Variants in ITGA1 observed in about 807,000 individuals in gnomAD.
ITGA1 encodes the protein integrin subunit alpha 1.
A neutral mutation model predicts 145.9 loss-of-function variants in ITGA1; 85 were observed. That is an observed-to-expected ratio of 0.58 (90% CI 0.49 to 0.70). ITGA1 has a LOEUF of 0.70. Ranked by LOEUF, ITGA1 falls within the 30% of genes least tolerant of loss-of-function variation. ITGA1 has a pLI of 0.00. For missense variants in ITGA1, 1,351 were observed against 1,418.7 expected (o/e 0.95, Z 0.77); for synonymous variants, 520 against 495.3 (o/e 1.05, Z -0.66).
At chr5:52,927,718 G>A (rs1381267552) in intron 20 of ITGA1, 54 bp downstream of exon 20, 9 of 1,125,964 alleles carry the variant, frequency 8.0e-6, no homozygotes, top group East Asian at 2.4e-5. Flanking sequence ...AGTAATATGT[G>A]CAAAGACAAA....
chr5:52,798,876 GTAGCTTT>G (rs1748398388), intron 1 of ITGA1, among the ~76,000 whole-genome samples: 1 of 152,184 alleles, frequency 6.6e-6, no homozygotes. Flanking sequence ...AGCGAGGTGT[GTAGCTTT>G]TCATCTGGTA....
intron 1 of ITGA1, among the ~76,000 whole-genome samples, chr5:52,795,630 C>T (rs760942747): frequency 2.0e-5 from 3 of 152,034 alleles, no homozygotes; most frequent in Non-Finnish European, 4.4e-5. Flanking sequence ...CATCAGTCAA[C>T]TCTACCAAAC....
intron 8 of ITGA1, among the ~76,000 whole-genome samples, chr5:52,892,329 A>G (rs1282950278): frequency 6.6e-6 from 1 of 152,140 alleles, no homozygotes; most frequent in African/African-American, 2.4e-5. Flanking sequence ...AACAAAAAAA[A>G]CTGACAATAA....
At chr5:52,798,630 T>C (rs969540909) in intron 1 of ITGA1, among the ~76,000 whole-genome samples, 2 of 152,014 alleles carry the variant, frequency 1.3e-5, no homozygotes, top group African/African-American at 2.4e-5. Context: ...AGGGGGAAAA[T>C]AGTCATTCAT....
chr5:52,793,488 A>G (rs1748281508), intron 1 of ITGA1, among the ~76,000 whole-genome samples: 2 of 152,080 alleles, frequency 1.3e-5, no homozygotes, highest in African/African-American at 2.4e-5. Flanking sequence ...TCCCAATCCA[A>G]TTATAATTGC....
At chr5:52,881,730 A>T in intron 6 of ITGA1, 143 bp from the exon 7 acceptor site, 1 of 604,498 alleles carries the variant, frequency 1.7e-6, no homozygotes, top group Non-Finnish European at 2.8e-6. Context: ...TATGCTTATT[A>T]CTGTCAAAAT....
chr5:52,834,546 A>AAG (rs1398415149), intron 1 of ITGA1, among the ~76,000 whole-genome samples: 1 of 138,328 alleles, frequency 7.2e-6, no homozygotes, highest in Non-Finnish European at 1.6e-5. Context: ...AAGAGAAAGA[A>AAG]AGAGAAAGAG....
At position 52,952,828 on chromosome 5, in the gene ITGA1, TC is replaced by T. The variant is rs145897142; in HGVS notation, c.*381del. The T allele has an allele frequency of 0.062, 9,432 of 152,774 alleles. 467 individuals carry two copies. Among genetic ancestry groups the T allele is most frequent in the African/African-American group, 0.13 (5,554 of 41,512 alleles). The allele number at this position is 152,774 out of a possible 1,614,324, so 9.5% of individuals were successfully genotyped here. ...TTCAAAACAATATAAATTAAGCTTT[TC>T]CCCTTGATTCCTGTTGGATATCCAT... On this transcript the variant is annotated 3_prime_UTR_variant, in exon 29 of 29. Transcript: ENST00000282588.
In ITGA1 at chr5:52,824,930, T is replaced by C. The variant is rs556749988; in HGVS notation, c.62-24435T>C. ...TTAAGGTGGATAATTGAGCTGCTTC[T>C]TATTTTTATTATAGTAAAATATACA... is the stretch of plus-strand genomic sequence containing the variant. On this transcript the variant is annotated intron_variant, in intron 1 of 28. Coordinates refer to ENST00000282588, the MANE Select transcript of ITGA1 (RefSeq NM_181501.2). 4.6e-5 allele frequency: 7 copies of C among 152,330 alleles called. No homozygotes were observed. In the East Asian group the frequency reaches 1.3e-3, roughly 29 times the overall value. 9.4% of individuals were successfully genotyped at this position (152,330 alleles called of 1,614,324 possible).
chr5:52,788,140 C>T lies in ITGA1; in HGVS notation c.-214C>T. ...CGAAGGGGCGGGCGATGTGGCAATC[C>T]GTCTGGGATGTGAAAAGCGTGGAGC... is the stretch of plus-strand genomic sequence containing the variant. On this transcript the variant is annotated 5_prime_UTR_variant, in exon 1 of 29. Coordinates refer to ENST00000282588, the MANE Select transcript of ITGA1 (RefSeq NM_181501.2). The T allele has an allele frequency of 2.2e-6, 1 of 444,486 alleles. No homozygotes were observed. Among genetic ancestry groups the T allele is most frequent in the East Asian group, 3.6e-5 (1 of 27,560 alleles). 27.5% of individuals were successfully genotyped at this position (444,486 alleles called of 1,614,324 possible).
chr5:52,910,057 A>G (rs2111848710), intron 13 of ITGA1, 105 bp from the exon 14 acceptor site: 1 of 1,085,854 alleles, frequency 9.2e-7, no homozygotes, highest in South Asian at 1.6e-5. Flanking sequence ...TTTACCACTA[A>G]TGTACAAATG....
chr5:52,808,791 T>C (rs929154954), intron 1 of ITGA1, among the ~76,000 whole-genome samples: 1 of 151,304 alleles, frequency 6.6e-6, no homozygotes, highest in African/African-American at 2.4e-5. Context: ...TAAGGAACTT[T>C]ATATATCATC....
At chr5:52,820,864 G>C (rs1748868653) in intron 1 of ITGA1, among the ~76,000 whole-genome samples, 1 of 152,032 alleles carries the variant, frequency 6.6e-6, no homozygotes, top group South Asian at 2.1e-4. Context: ...GCTATATTCT[G>C]CTAGTTTCCC....
chr5:52,898,132 A>T (rs1042683940), intron 10 of ITGA1, 107 bp from the exon 11 acceptor site: 1 of 619,002 alleles, frequency 1.6e-6, no homozygotes, highest in African/African-American at 1.9e-5. Context: ...AAGCTAACAA[A>T]TGTAAAGCAC....
intron 26 of ITGA1, among the ~76,000 whole-genome samples, chr5:52,941,786 T>C (rs749311360): frequency 2.6e-5 from 4 of 152,218 alleles, no homozygotes; most frequent in Non-Finnish European, 2.9e-5. Context: ...TTTAATTAGA[T>C]CCCACTTGTC....
intron 6 of ITGA1, among the ~76,000 whole-genome samples, chr5:52,871,369 TA>T (rs1291092052): frequency 1.3e-5 from 2 of 152,104 alleles, no homozygotes; most frequent in East Asian, 3.9e-4. Context: ...GATAGCAAAA[TA>T]CTTCACTTTA....
intron 5 of ITGA1, 74 bp from the exon 6 acceptor site, chr5:52,865,616 C>A: frequency 8.3e-7 from 1 of 1,206,104 alleles, no homozygotes; most frequent in Non-Finnish European, 1.1e-6. Context: ...GAACTTCTTT[C>A]AGCCATGAAA....
At chr5:52,923,754 C>T (rs965516837) in intron 18 of ITGA1, among the ~76,000 whole-genome samples, 2 of 152,104 alleles carry the variant, frequency 1.3e-5, no homozygotes, top group Non-Finnish European at 1.5e-5. Flanking sequence ...AAGAAATCTC[C>T]CCCATTATTC....
rs548487432 is a variant in ITGA1 at position 52,800,262 on chromosome 5, T to C, written c.61+11848T>C. ...CATGAGTCGAAGCAAGCGTGTTTCC[T>C]TCCCGCCAGGCAAGTGCCCTTAGAA... On this transcript the variant is annotated intron_variant, in intron 1 of 28. Transcript: ENST00000282588. 5.7e-6 allele frequency: 5 copies of C among 872,038 alleles called. No individual in the cohort carries two copies. The South Asian group carries it at 8.2e-5, about 14-fold the overall frequency. The allele number at this position is 872,038 out of a possible 1,614,324, so 54.0% of individuals were successfully genotyped here.
Sources: gnomAD v4.1 joint callset for allele counts (sites outside exome capture counted in the v4.1 genomes callset) on GRCh38, gnomAD v4.1.1 for gene constraint, MANE v1.5 for transcripts, NCBI Gene and HGNC (gene_info 2026-07-23, HGNC 2026-07-21) for gene names.